Variants in BAZ2B observed in about 807,000 individuals in gnomAD.
BAZ2B encodes bromodomain adjacent to zinc finger domain protein 2B.
BAZ2B carries 91 observed loss-of-function variants against 246.0 expected under a neutral mutation model. That is an observed-to-expected ratio of 0.37 (90% CI 0.31 to 0.44). The LOEUF is 0.44. Among genes scored for constraint, BAZ2B ranks in the 20% least tolerant of loss-of-function variants. The pLI, the probability that BAZ2B is intolerant of heterozygous loss-of-function variation, is 1.00. For missense variants in BAZ2B, 2,332 were observed against 2,533.7 expected (o/e 0.92, Z 1.71); for synonymous variants, 855 against 860.0 (o/e 0.99, Z 0.10).
the BAZ2B span, among the ~76,000 whole-genome samples, chr2:159,674,098 C>T: frequency 6.6e-6 from 1 of 151,772 alleles, no homozygotes; most frequent in Non-Finnish European, 1.5e-5. Context: ...ATCCCAAGCA[C>T]TTTGCAAGGC....
intron 2 of BAZ2B, among the ~76,000 whole-genome samples, chr2:159,549,046 C>T (rs1000614438): frequency 6.6e-6 from 1 of 151,954 alleles, no homozygotes; most frequent in Non-Finnish European, 1.5e-5. Flanking sequence ...TATGGGAGGC[C>T]GAGGCAGGCA....
the BAZ2B span, among the ~76,000 whole-genome samples, chr2:159,692,030 T>C: frequency 1.3e-5 from 2 of 152,266 alleles, no homozygotes; most frequent in African/African-American, 4.8e-5. Flanking sequence ...TATGTTTATA[T>C]GTGTAAGTTT....
chr2:159,697,851 A>C, the BAZ2B span, among the ~76,000 whole-genome samples: 1 of 152,140 alleles, frequency 6.6e-6, no homozygotes, highest in African/African-American at 2.4e-5. Context: ...TGGAGGTACA[A>C]TAGTATTTCT....
intron 33 of BAZ2B, among the ~76,000 whole-genome samples, chr2:159,335,106 T>TA (rs1385311306): frequency 6.6e-6 from 1 of 152,222 alleles, no homozygotes; most frequent in Non-Finnish European, 1.5e-5. Context: ...CTCTCTTTTT[T>TA]AAAAAAATCA....
chr2:159,386,373 C>A lies in BAZ2B; in HGVS notation c.3451G>T (p.Gly1151Cys). 6.2e-7 allele frequency: 1 copy of A among 1,612,382 alleles called. No homozygotes were observed. The highest frequency in any genetic ancestry group is 8.5e-7 in the Non-Finnish European group (1 of 1,179,338). ...TTTACCTTGTATCCTGTTATTAGAC[C>A]TGGATCACATACAGCAGCTGAGAGG... ...RLLSAAVCDP[G>C]LITGYKAKTA... The change falls in exon 22 of 37, where the codon GGT (glycine) becomes TGT (cysteine). Residue 1151 changes from glycine (G) to cysteine (C), a missense_variant. Gly to Cys is a radical substitution (Grantham distance 159). Coordinates refer to ENST00000392783, the MANE Select transcript of BAZ2B (RefSeq NM_013450.4).
Position 159,368,768 on chromosome 2 carries a change from G to T in BAZ2B, c.4213+4277C>A, listed in dbSNP as rs151057947. Among the ~76,000 whole-genome samples, 98 of 146,590 alleles carry T rather than the reference G, an allele frequency of 6.7e-4. 1 individual carries two copies. The highest frequency in any genetic ancestry group is 2.0e-3 in the African/African-American group (77 of 39,090). ...TTATTAATATTTTTTTGCAGAAACA[G>T]AAATCAGTGTCCAGAGAGGTTATGT... On this transcript the variant is annotated intron_variant, in intron 27 of 36. Transcript: ENST00000392783.
chr2:159,578,290 T>G (rs1685837002), intron 1 of BAZ2B, among the ~76,000 whole-genome samples: 1 of 152,172 alleles, frequency 6.6e-6, no homozygotes, highest in African/African-American at 2.4e-5. Flanking sequence ...TAATGGAGGA[T>G]CAGTGATACA....
intron 3 of BAZ2B, among the ~76,000 whole-genome samples, chr2:159,454,445 A>G (rs769351349): frequency 7.9e-5 from 12 of 152,234 alleles, no homozygotes; most frequent in Non-Finnish European, 1.6e-4. Flanking sequence ...TATAGGATAC[A>G]GCCTATTGCT....
chr2:159,679,258 T>G, the BAZ2B span, among the ~76,000 whole-genome samples: 1 of 104,902 alleles, frequency 9.5e-6, no homozygotes, highest in Non-Finnish European at 1.7e-5. Context: ...GGTGACAGAG[T>G]GAGACTTCAT....
intron 36 of BAZ2B, among the ~76,000 whole-genome samples, chr2:159,321,580 A>G (rs1239954418): frequency 6.6e-6 from 1 of 152,224 alleles, no homozygotes; most frequent in Non-Finnish European, 1.5e-5. Context: ...AGCCATAAAA[A>G]AAGAATGAGA....
intron 14 of BAZ2B, among the ~76,000 whole-genome samples, chr2:159,410,998 T>C (rs1388709602): frequency 6.6e-6 from 1 of 152,212 alleles, no homozygotes; most frequent in Non-Finnish European, 1.5e-5. Flanking sequence ...AGATTAATTA[T>C]TCCACTGATA....
chr2:159,522,828 G>A (rs977517624), intron 2 of BAZ2B, among the ~76,000 whole-genome samples: 1 of 151,956 alleles, frequency 6.6e-6, no homozygotes, highest in Non-Finnish European at 1.5e-5. Context: ...CTTTAAACGA[G>A]TATCTGTGCA....
At chr2:159,539,970 G>A (rs1460984796) in intron 2 of BAZ2B, among the ~76,000 whole-genome samples, 2 of 151,938 alleles carry the variant, frequency 1.3e-5, no homozygotes, top group Non-Finnish European at 2.9e-5. Flanking sequence ...TATGTATGTT[G>A]CCCTCAATTC....
chr2:159,445,017 G>A (rs895787482), intron 6 of BAZ2B: 10 of 152,160 alleles, frequency 6.6e-5, no homozygotes, highest in African/African-American at 2.4e-4. Context: ...TATAGTTAGA[G>A]GCTTCTCAGC....
intron 27 of BAZ2B, among the ~76,000 whole-genome samples, chr2:159,372,825 C>T (rs1412066499): frequency 6.6e-6 from 1 of 152,208 alleles, no homozygotes; most frequent in Non-Finnish European, 1.5e-5. Context: ...GAAAGAACAG[C>T]TTATGTCTGA....
chr2:159,622,971 CAAAA>C, the BAZ2B span, among the ~76,000 whole-genome samples: 2 of 70,618 alleles, frequency 2.8e-5, no homozygotes, highest in Non-Finnish European at 6.0e-5. Context: ...GACCCTGTCT[CAAAA>C]AAAAAAAAAA....
chr2:159,372,507 C>T (rs916281891), intron 27 of BAZ2B, among the ~76,000 whole-genome samples: 7 of 151,778 alleles, frequency 4.6e-5, no homozygotes, highest in South Asian at 4.2e-4. Context: ...ATGGAGCCAG[C>T]GAAAGAAATC....
At chr2:159,675,622 T>G in the BAZ2B span, among the ~76,000 whole-genome samples, 11 of 152,332 alleles carry the variant, frequency 7.2e-5, no homozygotes, top group East Asian at 1.7e-3. Context: ...CAGAAAATGA[T>G]TCTCCAGATT....
At chr2:159,412,789 T>G (rs2067029715) in intron 13 of BAZ2B, among the ~76,000 whole-genome samples, 1 of 152,170 alleles carries the variant, frequency 6.6e-6, no homozygotes, top group Non-Finnish European at 1.5e-5. Context: ...TGTATCTGTA[T>G]CTATAAATGT....
Sources: gnomAD v4.1 joint callset for allele counts (sites outside exome capture counted in the v4.1 genomes callset) on GRCh38, gnomAD v4.1.1 for gene constraint, MANE v1.5 for transcripts, NCBI Gene and HGNC (gene_info 2026-07-23, HGNC 2026-07-21) for gene names.